Variants in DKKL1 observed in about 807,000 individuals in gnomAD.
DKKL1 encodes the protein dickkopf-like protein 1.
Under a neutral mutation model 16.5 loss-of-function variants are expected in DKKL1, and 11 were observed. That is an observed-to-expected ratio of 0.67 (90% CI 0.42 to 1.10). The LOEUF (loss-of-function observed/expected upper bound fraction) is 1.10, where lower values mean the gene tolerates loss of function less well. DKKL1 is among the 50% of genes least tolerant of loss of function. The pLI is 0.00. For missense variants in DKKL1, 320 were observed against 308.1 expected (o/e 1.04, Z -0.29); for synonymous variants, 119 against 133.2 (o/e 0.89, Z 0.73).
At chr19:49,365,039 G>C (rs372733523) in intron 2 of DKKL1, among the ~76,000 whole-genome samples, 1 of 152,058 alleles carries the variant, frequency 6.6e-6, no homozygotes, top group East Asian at 1.9e-4. Context: ...AGGTACATGC[G>C]CCTATAATCC....
chr19:49,372,693 C>CAA lies in DKKL1; in HGVS notation c.418-2009_418-2008dup, dbSNP rs1228752175. On this transcript the variant is annotated intron_variant, in intron 4 of 4. Coordinates refer to ENST00000221498, the MANE Select transcript of DKKL1 (RefSeq NM_014419.4). ...TGGGCGACAGAGCGAGACTCCGTCTCAAAAAAAAAAAAAAAATACAAAGTA... is the reference window on the plus strand; with the variant it reads ...TGGGCGACAGAGCGAGACTCCGTCTCAAAAAAAAAAAAAAAAAATACAAAGTA... 4.6e-3 allele frequency among the ~76,000 whole-genome samples: 532 copies of CAA among 115,934 alleles called. 4 individuals carry two copies. The highest frequency in any genetic ancestry group is 0.021 in the Middle Eastern group (4 of 192). The allele number at this position is 115,934 out of a possible 152,430, so 76.1% of individuals were successfully genotyped here.
At chr19:49,369,300 G>A (rs532407335) in intron 4 of DKKL1, 8 of 152,012 alleles carry the variant, frequency 5.3e-5, no homozygotes, top group East Asian at 1.9e-4. Flanking sequence ...TAACAGGCAC[G>A]CACTACAATA....
At position 49,374,843 on chromosome 19, in the gene DKKL1, G is replaced by C. The variant is rs748259858; in HGVS notation, c.544G>C (p.Asp182His). The part of the protein sequence containing the change: ...IKLPRRRSHQ[D>H]ALEGGHWLSE... ...GCTGCCACGGCGGAGGTCCCACCAG[G>C]ATGCCCTGGAGGGCGGCCACTGGCT... Residue 182 changes from aspartate (D) to histidine (H), a missense_variant, in exon 5 of 5, where the codon GAT (aspartate) becomes CAT (histidine). Asp to His is a moderately conservative substitution (Grantham distance 81). Coordinates refer to ENST00000221498, the MANE Select transcript of DKKL1 (RefSeq NM_014419.4). 6.2e-7 allele frequency: 1 copy of C among 1,613,840 alleles called. No individual in the cohort carries two copies. The highest frequency in any genetic ancestry group is 2.2e-5 in the East Asian group (1 of 44,864).
intron 3 of DKKL1, 47 bp from the exon 4 acceptor site, chr19:49,365,746 G>C (rs1403155480): frequency 6.2e-7 from 1 of 1,606,034 alleles, no homozygotes; most frequent in Non-Finnish European, 8.5e-7. Flanking sequence ...AAGGAGGGCG[G>C]AGGAGGAAAG....
rs758194514 is a variant in DKKL1 at position 49,374,955 on chromosome 19, G to A, written c.656G>A (p.Ser219Asn). 1 of 1,613,634 alleles carries A rather than the reference G, an allele frequency of 6.2e-7. No individual in the cohort carries two copies. Among genetic ancestry groups the A allele is most frequent in the Admixed American group, 1.7e-5 (1 of 59,998 alleles). Residue 219 changes from serine (S) to asparagine (N), a missense_variant, in exon 5 of 5, where the codon AGC becomes AAC. Coordinates refer to ENST00000221498, the MANE Select transcript of DKKL1 (RefSeq NM_014419.4). Reference sequence around the variant, plus strand: ...GACGTCCTAGAAGAGGGGACCGAGAGCTCCTCCCACTCCAGGCTGTCCCCC... The same window carrying A: ...GACGTCCTAGAAGAGGGGACCGAGAACTCCTCCCACTCCAGGCTGTCCCCC... Reference protein sequence around the residue: ...HKDVLEEGTESSSHSRLSPRK... With the variant: ...HKDVLEEGTENSSHSRLSPRK...
chr19:49,361,033 G>A (rs1265281713), upstream of DKKL1, among the ~76,000 whole-genome samples: 10 of 72,880 alleles, frequency 1.4e-4, no homozygotes, highest in African/African-American at 5.6e-4. Context: ...CCAGAGGGAG[G>A]GGGGGACAGA....
intron 4 of DKKL1, among the ~76,000 whole-genome samples, chr19:49,372,264 A>T (rs1973522347): frequency 6.6e-6 from 1 of 152,164 alleles, no homozygotes; most frequent in Non-Finnish European, 1.5e-5. Flanking sequence ...TATCCACTAG[A>T]GAGAAGTTGC....
At chr19:49,368,595 C>G (rs1272840636) in intron 4 of DKKL1, 2 of 152,172 alleles carry the variant, frequency 1.3e-5, no homozygotes, top group Admixed American at 1.3e-4. Flanking sequence ...GTCACCCAGA[C>G]TGGAGTGTAG....
intron 4 of DKKL1, chr19:49,370,958 G>C (rs1016772692): frequency 6.6e-6 from 1 of 152,222 alleles, no homozygotes; most frequent in Admixed American, 6.5e-5. Context: ...ACCGTGAAAG[G>C]CATCAAGAAA....
At chr19:49,362,978 G>C (rs1479570377), upstream of DKKL1, 1 of 122,144 alleles carries the variant, frequency 8.2e-6, no homozygotes, top group South Asian at 2.8e-4. Flanking sequence ...GATGGGTTTT[G>C]ACTGATTCCT....
Position 49,364,570 on chromosome 19 carries a change from C to T in DKKL1, c.11-12C>T, listed in dbSNP as rs752266473. 9 of 1,605,262 alleles carry T rather than the reference C, an allele frequency of 5.6e-6. No individual in the cohort carries two copies. The highest frequency in any genetic ancestry group is 6.0e-6 in the Non-Finnish European group (7 of 1,176,422). ...CCACTGTGCGGGGCTCTGACCCCGA[C>T]CCTTGCCACAGCCTCCCCACCTGCC... On this transcript the variant is annotated splice_polypyrimidine_tract_variant and intron_variant, in intron 1 of 4. Coordinates refer to ENST00000221498, the MANE Select transcript of DKKL1 (RefSeq NM_014419.4).
upstream of DKKL1, among the ~76,000 whole-genome samples, chr19:49,363,352 G>A (rs1026062033): frequency 2.0e-5 from 3 of 152,210 alleles, no homozygotes; most frequent in South Asian, 2.1e-4. Context: ...GAGCGGGAGC[G>A]GGAAAACCAG....
intron 2 of DKKL1, 58 bp downstream of exon 2, chr19:49,364,812 A>C (rs1431055386): frequency 3.8e-6 from 6 of 1,573,046 alleles, no homozygotes; most frequent in Non-Finnish European, 5.2e-6. Flanking sequence ...AGGGACACAG[A>C]GTGGGAGATG....
chr19:49,367,053 G>A (rs907750666), intron 4 of DKKL1, among the ~76,000 whole-genome samples: 4 of 150,862 alleles, frequency 2.7e-5, no homozygotes, highest in Non-Finnish European at 5.9e-5. Flanking sequence ...TTGAGATGGA[G>A]TTTCGCTCTG....
rs1442811052 is a variant in DKKL1 at position 49,374,971 on chromosome 19, G to C, written c.672G>C (p.Arg224Ser). Residue 224 changes from arginine to serine, a missense_variant, in exon 5 of 5, where the codon AGG becomes AGC. Physicochemically the swap from Arg to Ser is moderately radical, Grantham distance 110. Transcript: ENST00000221498. Reference sequence around the variant, plus strand: ...GGACCGAGAGCTCCTCCCACTCCAGGCTGTCCCCCCGAAAGACCCACTTAC... The same window carrying C: ...GGACCGAGAGCTCCTCCCACTCCAGCCTGTCCCCCCGAAAGACCCACTTAC... ...EEGTESSSHS[R>S]LSPRKTHLLY... 6.2e-7 allele frequency: 1 copy of C among 1,613,418 alleles called. No individual in the cohort carries two copies. The highest frequency in any genetic ancestry group is 1.7e-5 in the Admixed American group (1 of 59,982).
rs1052296313 is a variant in DKKL1, at chr19:49,364,598, C to T, written c.27C>T (p.Pro9=). 3.1e-6 allele frequency: 5 copies of T among 1,611,708 alleles called. No homozygotes were observed. The highest frequency in any genetic ancestry group is 2.2e-5 in the East Asian group (1 of 44,876). The change falls in exon 2 of 5, where the codon CCC becomes CCT. Residue 9 remains proline, a synonymous_variant. Coordinates refer to ENST00000221498, the MANE Select transcript of DKKL1 (RefSeq NM_014419.4). MGEASPPA[P]ARRHLLVLLL... is the part of the protein sequence containing the mutation. ...TTGCCACAGCCTCCCCACCTGCCCC[C>T]GCAAGGCGGCATCTGCTGGTCCTGC...
rs533834968 is a variant in DKKL1 at position 49,364,840 on chromosome 19, G to A, written c.183+86G>A. 5.3e-6 allele frequency: 8 copies of A among 1,510,056 alleles called. No individual in the cohort carries two copies. The African/African-American group carries it at 9.7e-5, about 18-fold the overall frequency. 93.5% of individuals were successfully genotyped at this position (1,510,056 alleles called of 1,614,324 possible). A position where few individuals can be genotyped will look rare whatever the true frequency, so the allele number is the denominator to read the frequency against. On this transcript the variant is annotated intron_variant, in intron 2 of 4. Transcript: ENST00000221498. Reference sequence around the variant, plus strand: ...GGGAGATGGTTCAGGGCCAGGCAGGGGGACAGACAGGATGAGAGGGCAACA... The same window carrying A: ...GGGAGATGGTTCAGGGCCAGGCAGGAGGACAGACAGGATGAGAGGGCAACA...
upstream of DKKL1, among the ~76,000 whole-genome samples, chr19:49,361,209 C>CAGAGACCCAGAGAGAGAGAGGAAT (rs1568585786): frequency 1.6e-5 from 2 of 125,462 alleles, no homozygotes; most frequent in Non-Finnish European, 3.2e-5. Context: ...GAGAGGGAGA[C>CAGAGACCCAGAGAGAGAGAGGAAT]AGAGACCCAG....
At chr19:49,364,035 G>A in intron 1 of DKKL1, 27 bp downstream of exon 1, 1 of 1,612,366 alleles carries the variant, frequency 6.2e-7, no homozygotes, top group Non-Finnish European at 8.5e-7. Flanking sequence ...GGTGGTGAAC[G>A]TGGGCGAAAG....
Sources: allele counts gnomAD v4.1 joint callset (sites outside exome capture counted in the v4.1 genomes callset), GRCh38; gene constraint gnomAD v4.1.1; transcripts MANE v1.5; gene names NCBI Gene and HGNC (gene_info 2026-07-23, HGNC 2026-07-21).